TXLNG: variants seen among roughly 807,000 people sequenced by gnomAD.
TXLNG encodes the protein taxilin gamma, also known as gamma-taxilin.
TXLNG carries 5 observed loss-of-function variants against 38.8 expected under a neutral mutation model. The ratio of observed to expected loss-of-function variants is 0.13; its 90% CI spans 0.07 to 0.27. The LOEUF (loss-of-function observed/expected upper bound fraction) is 0.27, where lower values mean the gene tolerates loss of function less well. Among genes scored for constraint, TXLNG ranks in the 10% least tolerant of loss-of-function variants. The pLI is 1.00. For synonymous variants in TXLNG, 182 were observed against 158.2 expected (o/e 1.15, Z -1.13); for missense variants, 393 against 398.2 (o/e 0.99, Z 0.11).
At chrX:16,813,711 G>A (rs1387076831) in intron 1 of TXLNG, among the ~76,000 whole-genome samples, 1 of 109,831 alleles carries the variant, frequency 9.1e-6, no homozygotes, top group Non-Finnish European at 1.9e-5. Flanking sequence ...ACATAGAGTG[G>A]TCATATAGCA....
rs1169184144 is a variant in TXLNG, at chrX:16,841,927, G to A, written c.*161G>A. The A allele has an allele frequency of 2.2e-5, 12 of 540,204 alleles. No individual in the cohort carries two copies. In the East Asian group the frequency reaches 3.7e-4, roughly 17 times the overall value. 44.5% of individuals were successfully genotyped at this position (540,204 alleles called of 1,213,427 possible). ...ATGTGGTACAGGAGGCTGCTTAGCA[G>A]TTTTGAATAGTTTAATCTATAAATT... On this transcript the variant is annotated 3_prime_UTR_variant, in exon 10 of 10. Transcript: ENST00000380122.
At chrX:16,840,005 T>G (rs1444256411) in intron 9 of TXLNG, 89 bp downstream of exon 9, 1 of 675,273 alleles carries the variant, frequency 1.5e-6, no homozygotes, top group Admixed American at 3.2e-5. Context: ...ACGTGTGCTG[T>G]AACACTACTA....
Position 16,841,496 on chromosome X carries a change from G to C in TXLNG, c.1317G>C (p.Arg439Ser), listed in dbSNP as rs768915564. Residue 439 changes from arginine (R) to serine (S), a missense_variant, in exon 10 of 10, where the codon AGG becomes AGC. By Grantham distance (110) the Arg-to-Ser change is moderately radical. Transcript: ENST00000380122. ...IKLERLEKLC[R>S]ALQTERNELN... is the part of the protein sequence containing the mutation. ...TGGAACGGTTAGAGAAGCTGTGCAG[G>C]GCTCTTCAGACAGAAAGGAATGAGC... 1 of 1,211,807 alleles carries C rather than the reference G, an allele frequency of 8.3e-7. No individual in the cohort carries two copies. Among genetic ancestry groups the C allele is most frequent in the Admixed American group, 2.2e-5 (1 of 46,037 alleles).
At chrX:16,826,337 A>C (rs1013951508) in intron 3 of TXLNG, among the ~76,000 whole-genome samples, 4 of 112,226 alleles carry the variant, frequency 3.6e-5, no homozygotes, top group African/African-American at 1.3e-4. Flanking sequence ...TGTGGCTGTA[A>C]GGATGCGTGA....
At chrX:16,831,135 T>C (rs939998024) in intron 5 of TXLNG, among the ~76,000 whole-genome samples, 2 of 111,972 alleles carry the variant, frequency 1.8e-5, no homozygotes, top group Non-Finnish European at 3.8e-5. Context: ...GTTTCATACC[T>C]AAAAAATTAA....
At chrX:16,832,250 A>C (rs1240041307) in intron 5 of TXLNG, among the ~76,000 whole-genome samples, 1 of 112,347 alleles carries the variant, frequency 8.9e-6, no homozygotes, top group African/African-American at 3.2e-5. Context: ...AACTGTGTGC[A>C]TGATGTATGG....
intron 1 of TXLNG, among the ~76,000 whole-genome samples, chrX:16,804,497 C>T (rs1928246475): frequency 9.1e-6 from 1 of 109,600 alleles, no homozygotes; most frequent in Non-Finnish European, 1.9e-5. Flanking sequence ...AATTTAGAGC[C>T]CCCCACCCCC....
chrX:16,815,466 C>T (rs182736902), intron 1 of TXLNG, among the ~76,000 whole-genome samples: 2 of 111,150 alleles, frequency 1.8e-5, no homozygotes, highest in Non-Finnish European at 3.8e-5. Flanking sequence ...TGAGCCACCG[C>T]GACCGGCCTG....
chrX:16,826,059 G>A (rs1206291060), intron 3 of TXLNG, among the ~76,000 whole-genome samples: 1 of 111,057 alleles, frequency 9.0e-6, no homozygotes, highest in African/African-American at 3.3e-5. Context: ...TTTTTTTTTA[G>A]AGAAGTGCAC....
At chrX:16,802,417 A>C (rs1928139507) in intron 1 of TXLNG, among the ~76,000 whole-genome samples, 1 of 107,536 alleles carries the variant, frequency 9.3e-6, no homozygotes, top group Non-Finnish European at 1.9e-5. Context: ...TGCCCAGCTA[A>C]TTTTTGTATT....
In TXLNG at chrX:16,821,136, CTTTCT is replaced by C. The variant is rs1422350416; in HGVS notation, c.498+885_498+889del. Among the ~76,000 whole-genome samples the C allele has an allele frequency of 9.2e-5, 5 of 54,513 alleles. No individual in the cohort carries two copies. In the Admixed American group the frequency reaches 1.3e-3, roughly 14 times the overall value. 47.3% of individuals were successfully genotyped at this position (54,513 alleles called of 115,157 possible). A position where few individuals can be genotyped will look rare whatever the true frequency, so the allele number is the denominator to read the frequency against. ...CTTTTTGGAGTTTCTTTCTTTCTTT[CTTTCT>C]TTTTTTTTTTTTTTTTTGAGACGGA... is the stretch of plus-strand genomic sequence containing the variant. On this transcript the variant is annotated intron_variant, in intron 3 of 9. Coordinates refer to ENST00000380122, the MANE Select transcript of TXLNG (RefSeq NM_018360.3).
At chrX:16,795,053 G>A (rs1050818735) in intron 1 of TXLNG, among the ~76,000 whole-genome samples, 28 of 110,763 alleles carry the variant, frequency 2.5e-4, no homozygotes, top group South Asian at 7.7e-4. Flanking sequence ...AGAGGCAGGC[G>A]GATCACGAGG....
chrX:16,796,425 TAC>T (rs1927891823), intron 1 of TXLNG, among the ~76,000 whole-genome samples: 1 of 111,965 alleles, frequency 8.9e-6, no homozygotes, highest in African/African-American at 3.2e-5. Flanking sequence ...GTGGACATCG[TAC>T]TTAAATTACC....
At chrX:16,814,562 C>G (rs1316940024) in intron 1 of TXLNG, among the ~76,000 whole-genome samples, 1 of 111,873 alleles carries the variant, frequency 8.9e-6, no homozygotes, top group Non-Finnish European at 1.9e-5. Flanking sequence ...TTGCAGTGAG[C>G]GGAGACCGTG....
intron 1 of TXLNG, among the ~76,000 whole-genome samples, chrX:16,802,547 C>T (rs73452420): frequency 0.045 from 5,003 of 110,177 alleles, 275 homozygotes; most frequent in African/African-American, 0.16. Flanking sequence ...TGATTCTGAC[C>T]GCTACTTATG....
intron 1 of TXLNG, among the ~76,000 whole-genome samples, chrX:16,811,487 G>T (rs1349743520): frequency 9.0e-6 from 1 of 110,737 alleles, no homozygotes; most frequent in Admixed American, 9.7e-5. Flanking sequence ...CTCCCGAGTA[G>T]CAGGCATGCA....
intron 1 of TXLNG, among the ~76,000 whole-genome samples, chrX:16,808,846 T>C (rs2147471923): frequency 8.9e-6 from 1 of 112,063 alleles, no homozygotes; most frequent in South Asian, 3.7e-4. Flanking sequence ...TAAATAACCT[T>C]ATGTATTATG....
chrX:16,789,925 G>A (rs1464201511), intron 1 of TXLNG, among the ~76,000 whole-genome samples: 1 of 109,648 alleles, frequency 9.1e-6, no homozygotes, highest in Non-Finnish European at 1.9e-5. Flanking sequence ...CTCCCAAGTA[G>A]CTGGGATTAC....
chrX:16,814,977 AGCCTCAGGGTTAGGACAG>A (rs1928677846), intron 1 of TXLNG, among the ~76,000 whole-genome samples: 2 of 112,137 alleles, frequency 1.8e-5, no homozygotes, highest in South Asian at 3.7e-4. Context: ...TTCCTCAAGT[AGCCTCAGGGTTAGGACAG>A]GCCTCAGGGT....
Sources: allele counts gnomAD v4.1 joint callset (sites outside exome capture counted in the v4.1 genomes callset), GRCh38; gene constraint gnomAD v4.1.1; transcripts MANE v1.5; gene names NCBI Gene and HGNC (gene_info 2026-07-23, HGNC 2026-07-21).